ACSL6: variants seen among roughly 807,000 people sequenced by gnomAD.
ACSL6 encodes long-chain-fatty-acid--CoA ligase 6.
In ACSL6, 47 loss-of-function variants were observed where a neutral mutation model predicts 98.2. The observed-to-expected ratio is 0.48, with a 90% CI of 0.38 to 0.61. The LOEUF is 0.61. Among genes scored for constraint, ACSL6 ranks in the 20% least tolerant of loss-of-function variants. The pLI is 0.00. For missense variants in ACSL6, 761 were observed against 913.4 expected (o/e 0.83, Z 2.15); for synonymous variants, 362 against 336.9 (o/e 1.07, Z -0.82).
chr5:131,972,155 A>G (rs1166152381), intron 13 of ACSL6, among the ~76,000 whole-genome samples: 1 of 152,208 alleles, frequency 6.6e-6, no homozygotes, highest in Non-Finnish European at 1.5e-5. Context: ...TTAAATATTA[A>G]TTTTCATAAC....
At chr5:131,972,942 G>T in intron 12 of ACSL6, 84 bp from the exon 13 acceptor site, 1 of 1,582,964 alleles carries the variant, frequency 6.3e-7, no homozygotes, top group South Asian at 1.1e-5. Flanking sequence ...GCCCAGACTG[G>T]CCAGCAGAGA....
In ACSL6 at chr5:131,976,136, T is replaced by C. The variant is rs1472447540; in HGVS notation, c.990+512A>G. On this transcript the variant is annotated intron_variant, in intron 10 of 20. Transcript: ENST00000651883. Reference sequence around the variant, plus strand: ...GTTAGCCAGTTATAAAATGCTAACATGCTTTGGTCAGGCCAAGACATCAAA... The same window carrying C: ...GTTAGCCAGTTATAAAATGCTAACACGCTTTGGTCAGGCCAAGACATCAAA... The C allele has an allele frequency of 5.1e-6, 5 of 985,342 alleles. No individual in the cohort carries two copies. The East Asian group carries it at 4.5e-4, about 89-fold the overall frequency. The allele number at this position is 985,342 out of a possible 1,614,324, so 61.0% of individuals were successfully genotyped here.
Position 132,011,466 on chromosome 5 carries a change from G to C in ACSL6, c.49+39C>G, listed in dbSNP as rs760892941. ...CGGGCGAAGACCTCATAGCCTGCGG[G>C]AGATGGGAGTCCGGGACGCGGACAG... is the stretch of plus-strand genomic sequence containing the variant. On this transcript the variant is annotated intron_variant, in intron 1 of 20. Coordinates refer to ENST00000651883, the MANE Select transcript of ACSL6 (RefSeq NM_001009185.3). This position sits in a 1 kb window ranked among gnomAD's most constrained non-coding sequence, Gnocchi z 5.4. 2 of 1,598,456 alleles carry C rather than the reference G, an allele frequency of 1.3e-6. No homozygotes were observed. The highest frequency in any genetic ancestry group is 1.7e-6 in the Non-Finnish European group (2 of 1,167,518).
Position 131,960,505 on chromosome 5 carries a change from C to T in ACSL6, c.1959+15G>A. On this transcript the variant is annotated intron_variant, in intron 19 of 20. Coordinates refer to ENST00000651883, the MANE Select transcript of ACSL6 (RefSeq NM_001009185.3). ...CATTCAGTAACCTTTCAGGAGACAG[C>T]CCCAAGATACCAACCTTATTTGTGC... 1 of 1,606,654 alleles carries T rather than the reference C, an allele frequency of 6.2e-7. No homozygotes were observed. The highest frequency in any genetic ancestry group is 8.5e-7 in the Non-Finnish European group (1 of 1,176,136).
chr5:131,992,051 C>A (rs1032885519), intron 2 of ACSL6, among the ~76,000 whole-genome samples: 1 of 152,160 alleles, frequency 6.6e-6, no homozygotes, highest in African/African-American at 2.4e-5. Flanking sequence ...CAACACTGGG[C>A]ATGTGTGTTA....
chr5:131,989,584 T>TA, intron 4 of ACSL6, 76 bp from the exon 5 acceptor site: 1 of 13,214 alleles, frequency 7.6e-5, no homozygotes, highest in East Asian at 1.0e-3. Flanking sequence ...GGAGGAATTC[T>TA]TTTTTTTTTT....
chr5:132,011,513 A>G lies in ACSL6; in HGVS notation c.41T>C (p.Leu14Pro), dbSNP rs1755728554. Residue 14 changes from leucine to proline, a missense_variant, in exon 1 of 21, where the codon CTA becomes CCA. Physicochemically the swap from Leu to Pro is moderately conservative, Grantham distance 98. Transcript: ENST00000651883. This position sits in a 1 kb window ranked among gnomAD's most constrained non-coding sequence, Gnocchi z 5.4. Reference protein sequence around the residue: ...FFLVSGGSLWLFVEFVLSLLE... With the variant: ...FFLVSGGSLWPFVEFVLSLLE... ...ACAGGACGGGCACTTACCTACGAATAGCCAGAGGGAGCCCCCCGACACGAG... is the reference window on the plus strand; with the variant it reads ...ACAGGACGGGCACTTACCTACGAATGGCCAGAGGGAGCCCCCCGACACGAG... 1 of 1,606,948 alleles carries G rather than the reference A, an allele frequency of 6.2e-7. No individual in the cohort carries two copies. The highest frequency in any genetic ancestry group is 8.5e-7 in the Non-Finnish European group (1 of 1,177,024).
In ACSL6 at chr5:131,973,353, A is replaced by T. The variant is rs1240886963; in HGVS notation, c.1116T>A (p.Asp372Glu). ...HGGRVGFFQG[D>E]IRLLSDDMKA... The stretch of plus-strand genomic sequence containing the variant: ...TCATGTCATCTGAGAGAAGGCGGAT[A>T]TCTCCCTGGAAGAAGCCAACACGCC... The change falls in exon 12 of 21, where the codon GAT becomes GAA. Residue 372 changes from aspartate (D) to glutamate (E), a missense_variant. By Grantham distance (45) the Asp-to-Glu change is conservative. Coordinates refer to ENST00000651883, the MANE Select transcript of ACSL6 (RefSeq NM_001009185.3). The T allele has an allele frequency of 1.2e-6, 2 of 1,614,236 alleles. No homozygotes were observed. Among genetic ancestry groups the T allele is most frequent in the Admixed American group, 3.3e-5 (2 of 60,030 alleles).
intron 15 of ACSL6, among the ~76,000 whole-genome samples, chr5:131,969,581 T>C (rs993244530): frequency 6.6e-6 from 1 of 152,140 alleles, no homozygotes; most frequent in African/African-American, 2.4e-5. Context: ...TATCAGTATA[T>C]TGGATTTTTA....
rs959352869 is a variant in ACSL6, at chr5:131,986,970, T to C, written c.832-116A>G. ...GCACATACACATACACACACACACA[T>C]ACCCACACACTCACACACACACACA... On this transcript the variant is annotated intron_variant, in intron 7 of 20. Transcript: ENST00000651883. The C allele has an allele frequency of 1.5e-5, 14 of 913,356 alleles. No individual in the cohort carries two copies. In the African/African-American group the frequency reaches 1.9e-4, roughly 12 times the overall value. 56.6% of individuals were successfully genotyped at this position (913,356 alleles called of 1,614,324 possible).
intron 1 of ACSL6, among the ~76,000 whole-genome samples, chr5:132,007,767 T>C (rs1755494635): frequency 3.3e-5 from 5 of 152,160 alleles, no homozygotes; most frequent in Admixed American, 2.6e-4. Context: ...ACTTAATGAG[T>C]ATTTGAGTGC....
At chr5:131,971,981 G>T (rs1036563758) in intron 13 of ACSL6, among the ~76,000 whole-genome samples, 1 of 152,064 alleles carries the variant, frequency 6.6e-6, no homozygotes, top group Non-Finnish European at 1.5e-5. Flanking sequence ...TCCCATCATT[G>T]ACAAGAATCC....
intron 2 of ACSL6, among the ~76,000 whole-genome samples, chr5:131,992,451 C>T (rs962756527): frequency 2.0e-5 from 3 of 152,300 alleles, no homozygotes; most frequent in African/African-American, 4.8e-5. Flanking sequence ...TTGCCTACTC[C>T]GGTGCAGCCA....
At chr5:131,990,578 G>T (rs1425994659) in intron 3 of ACSL6, among the ~76,000 whole-genome samples, 1 of 152,184 alleles carries the variant, frequency 6.6e-6, no homozygotes, top group Non-Finnish European at 1.5e-5. Context: ...TGGCCTGGCA[G>T]TTCAAGGCTC....
intron 17 of ACSL6, among the ~76,000 whole-genome samples, chr5:131,964,236 T>G (rs1752890150): frequency 1.3e-5 from 2 of 152,220 alleles, no homozygotes; most frequent in African/African-American, 2.4e-5. Flanking sequence ...CAATCTCATT[T>G]GTGAATATAA....
Position 131,951,287 on chromosome 5 carries a change from G to A in ACSL6, c.*2947C>T. 4.8e-6 allele frequency: 1 copy of A among 208,000 alleles called. No homozygotes were observed. The allele number at this position is 208,000 out of a possible 1,614,324, so 12.9% of individuals were successfully genotyped here. On this transcript the variant is annotated 3_prime_UTR_variant, in exon 21 of 21. Transcript: ENST00000651883. ...AAGTACATCACCTTTTTCTATCTCT[G>A]TTAATGAGAAATACAGATTTTTTTC...
intron 17 of ACSL6, 80 bp from the exon 18 acceptor site, chr5:131,962,758 T>C: frequency 1.3e-6 from 2 of 1,531,004 alleles, no homozygotes; most frequent in Non-Finnish European, 1.8e-6. Flanking sequence ...CGTAACTCCC[T>C]GCCCTACCCC....
rs976162404 is a variant in ACSL6, at chr5:132,011,644, G to T, written c.-91C>A. On this transcript the variant is annotated 5_prime_UTR_variant, in exon 1 of 21. Transcript: ENST00000651883. This position sits in a 1 kb window ranked among gnomAD's most constrained non-coding sequence, Gnocchi z 5.4. ...GCCCAGCAGCCCCAGCAGTAGCCGC[G>T]CCGCCGCCGCCGCTGCCGGGTATTT... 1 of 1,255,074 alleles carries T rather than the reference G, an allele frequency of 8.0e-7. No homozygotes were observed. Among genetic ancestry groups the T allele is most frequent in the South Asian group, 3.7e-5 (1 of 26,870 alleles). The allele number at this position is 1,255,074 out of a possible 1,614,324, so 77.7% of individuals were successfully genotyped here.
At chr5:131,988,514 CT>C (rs1448892111) in intron 6 of ACSL6, 4 of 1,608,128 alleles carry the variant, frequency 2.5e-6, no homozygotes, top group East Asian at 4.5e-5. Flanking sequence ...TTACCACCCC[CT>C]GCATCTGTGC....
Sources: allele counts gnomAD v4.1 joint callset (sites outside exome capture counted in the v4.1 genomes callset), GRCh38; gene constraint gnomAD v4.1.1; non-coding constraint Gnocchi (gnomAD v3.1); transcripts MANE v1.5; gene names NCBI Gene and HGNC (gene_info 2026-07-23, HGNC 2026-07-21).